Variants in PCLO observed in about 807,000 individuals in gnomAD.
PCLO encodes the protein piccolo presynaptic cytomatrix protein.
Under a neutral mutation model 427.5 loss-of-function variants are expected in PCLO, and 82 were observed. The ratio of observed to expected loss-of-function variants is 0.19; its 90% CI spans 0.16 to 0.23. The LOEUF is 0.23. PCLO is among the 10% of genes least tolerant of loss of function. The pLI, the probability that PCLO is intolerant of heterozygous loss-of-function variation, is 1.00. For synonymous variants in PCLO, 2,357 were observed against 2,155.4 expected, an observed-to-expected ratio of 1.09 and a Z score of -2.59; for missense variants, 6,239 against 6,115.9, an observed-to-expected ratio of 1.02 and a Z score of -0.67.
chr7:82,956,914 C>A lies in PCLO; in HGVS notation c.4039G>T (p.Asp1347Tyr), dbSNP rs754764675. The A allele has an allele frequency of 1.2e-6, 2 of 1,605,178 alleles. No individual in the cohort carries two copies. ...EKTEKEDDKSDTSSSQQPKSP... is the reference protein window; with the variant it reads ...EKTEKEDDKSYTSSSQQPKSP... ...TTAGGCTGCTGAGAACTTGAGGTGT[C>A]TGATTTGTCATCTTCCTTTTCCTAA... Residue 1347 changes from aspartate (D) to tyrosine (Y), a missense_variant, in exon 5 of 25, where the codon GAC becomes TAC. Asp to Tyr is a radical substitution (Grantham distance 160). Coordinates refer to ENST00000333891, the MANE Select transcript of PCLO (RefSeq NM_033026.6).
chr7:83,034,935 T>G (rs1186762229), intron 3 of PCLO, among the ~76,000 whole-genome samples: 1 of 152,214 alleles, frequency 6.6e-6, no homozygotes, highest in Non-Finnish European at 1.5e-5. Flanking sequence ...AAATGTTTCT[T>G]ACTGCTGAGG....
intron 3 of PCLO, among the ~76,000 whole-genome samples, chr7:83,072,303 CTACT>C (rs1378638113): frequency 3.3e-5 from 5 of 151,970 alleles, no homozygotes; most frequent in African/African-American, 9.7e-5. Flanking sequence ...AAAAACTTGA[CTACT>C]TAAAGATAAC....
rs996138259 is a variant in PCLO, at chr7:82,916,353, A to G, written c.11633T>C (p.Leu3878Pro). The part of the protein sequence containing the change: ...IPPQTQTESQ[L>P]VPPTSPYTQY... ...TGTGTAAGGACTTGTCGGAGGAACT[A>G]GTTGAGATTCTGTTTGGGTTTGTGG... Residue 3878 changes from leucine to proline, a missense_variant, in exon 7 of 25, where the codon CTA (leucine) becomes CCA (proline). By Grantham distance (98) the Leu-to-Pro change is moderately conservative. Transcript: ENST00000333891. 1 of 1,613,582 alleles carries G rather than the reference A, an allele frequency of 6.2e-7. No individual in the cohort carries two copies. The highest frequency in any genetic ancestry group is 8.5e-7 in the Non-Finnish European group (1 of 1,179,760).
chr7:82,847,290 T>C (rs761928877), intron 10 of PCLO, 43 bp from the exon 11 acceptor site: 1 of 1,121,042 alleles, frequency 8.9e-7, no homozygotes, highest in Admixed American at 1.9e-5. Context: ...GTGTGCTATC[T>C]CTAGTCTGGG....
rs571194002 is a variant in PCLO at position 83,162,856 on chromosome 7, G to C, written c.-264C>G. The C allele has an allele frequency of 2.6e-5, 13 of 508,548 alleles. No individual in the cohort carries two copies. Among genetic ancestry groups the C allele is most frequent in the African/African-American group, 6.1e-5 (3 of 48,834 alleles). The allele number at this position is 508,548 out of a possible 1,614,324, so 31.5% of individuals were successfully genotyped here. A position where few individuals can be genotyped will look rare whatever the true frequency, so the allele number is the denominator to read the frequency against. On this transcript the variant is annotated 5_prime_UTR_variant, in exon 1 of 25. Coordinates refer to ENST00000333891, the MANE Select transcript of PCLO (RefSeq NM_033026.6). The stretch of plus-strand genomic sequence containing the variant: ...GAAGACACCTCCCGGACGCCGCCTC[G>C]GCGCCCCGAGCCGGGGAGAAGCAGA...
chr7:82,973,727 C>T (rs1708064124), intron 3 of PCLO, among the ~76,000 whole-genome samples: 1 of 151,436 alleles, frequency 6.6e-6, no homozygotes. Context: ...AAAAAACTTG[C>T]AATGTAGGTT....
chr7:83,056,365 T>C (rs758610389), intron 3 of PCLO, among the ~76,000 whole-genome samples: 1 of 152,186 alleles, frequency 6.6e-6, no homozygotes, highest in South Asian at 2.1e-4. Flanking sequence ...AACAGACTTC[T>C]AAAATGTTAG....
chr7:82,936,463 A>G (rs1273670599), intron 6 of PCLO, among the ~76,000 whole-genome samples: 5 of 151,664 alleles, frequency 3.3e-5, no homozygotes, highest in African/African-American at 1.2e-4. Flanking sequence ...CACAATCACA[A>G]TGAGATACCA....
At chr7:82,922,223 A>G (rs2116301848) in intron 6 of PCLO, among the ~76,000 whole-genome samples, 2 of 152,144 alleles carry the variant, frequency 1.3e-5, no homozygotes, top group Middle Eastern at 3.4e-3. Context: ...TTGACCCAGC[A>G]AAGGAATTGC....
Position 82,915,810 on chromosome 7 carries a change from G to A in PCLO, c.12176C>T (p.Thr4059Ile). 2 of 1,613,256 alleles carry A rather than the reference G, an allele frequency of 1.2e-6. No homozygotes were observed. The highest frequency in any genetic ancestry group is 1.1e-5 in the South Asian group (1 of 91,064). ...GCTAAATGCGGTGCTTAATGCCGCTGTTCCTTTGGTGATCTCTCCAATGTC... is the reference window on the plus strand; with the variant it reads ...GCTAAATGCGGTGCTTAATGCCGCTATTCCTTTGGTGATCTCTCCAATGTC... ...IDDIGEITKG[T>I]AALSTAFSLH... The change falls in exon 7 of 25, where the codon ACA becomes ATA. Residue 4059 changes from threonine (T) to isoleucine (I), a missense_variant. Physicochemically the swap from Thr to Ile is moderately conservative, Grantham distance 89. This residue lies in a region of PCLO where 680 missense variants were observed against 677.3 expected (regional missense o/e 1.00). Transcript: ENST00000333891.
At position 82,848,304 on chromosome 7, in the gene PCLO, GTTTTTTT is replaced by G. The variant is rs71522632; in HGVS notation, c.13655-1064_13655-1058del. 1.1e-4 allele frequency among the ~76,000 whole-genome samples: 9 copies of G among 83,888 alleles called. No homozygotes were observed. The South Asian group carries it at 2.3e-3, about 21-fold the overall frequency. 55.0% of individuals were successfully genotyped at this position (83,888 alleles called of 152,430 possible). A position where few individuals can be genotyped will look rare whatever the true frequency, so the allele number is the denominator to read the frequency against. On this transcript the variant is annotated intron_variant, in intron 10 of 24. Coordinates refer to ENST00000333891, the MANE Select transcript of PCLO (RefSeq NM_033026.6). ...AATTATGTTGTTGAACCATTAGTTA[GTTTTTTT>G]TTTTTTTTTTTTTTTTTTTAAACAG...
chr7:83,134,779 T>G lies in PCLO; in HGVS notation c.2771A>C (p.Gln924Pro). The change falls in exon 3 of 25, where the codon CAA (glutamine) becomes CCA (proline). Residue 924 changes from glutamine (Q) to proline (P), a missense_variant. Gln to Pro is a moderately conservative substitution (Grantham distance 76). Coordinates refer to ENST00000333891, the MANE Select transcript of PCLO (RefSeq NM_033026.6). ...AAAGAGTTTCCCAGTCACGGTCTCT[T>G]GAGGAGTTGTAGGCTGTGATTTGGG... ...DAPKSQPTTP[Q>P]ETVTGKLFGF... 2 of 1,613,916 alleles carry G rather than the reference T, an allele frequency of 1.2e-6. No homozygotes were observed. The highest frequency in any genetic ancestry group is 2.2e-5 in the South Asian group (2 of 91,068).
intron 3 of PCLO, among the ~76,000 whole-genome samples, chr7:83,077,468 CT>C (rs973185460): frequency 6.6e-6 from 1 of 152,038 alleles, no homozygotes; most frequent in African/African-American, 2.4e-5. Context: ...TACTGTTAGA[CT>C]TTTTAAGTGG....
rs555238853 is a variant in PCLO, at chr7:83,070,489, G to A, written c.3300+63761C>T. On this transcript the variant is annotated intron_variant, in intron 3 of 24. Coordinates refer to ENST00000333891, the MANE Select transcript of PCLO (RefSeq NM_033026.6). ...TGCAAGCTCTGCCTCCCGGGTTCACGCCATTCTCCTGCCTCAGCCTCCCGA... is the reference window on the plus strand; with the variant it reads ...TGCAAGCTCTGCCTCCCGGGTTCACACCATTCTCCTGCCTCAGCCTCCCGA... 9.9e-5 allele frequency among the ~76,000 whole-genome samples: 15 copies of A among 151,008 alleles called. No homozygotes were observed. In the East Asian group the frequency reaches 2.2e-3, roughly 22 times the overall value.
intron 3 of PCLO, among the ~76,000 whole-genome samples, chr7:83,077,021 GAT>G (rs36072134): frequency 1.3e-5 from 2 of 149,980 alleles, no homozygotes; most frequent in Admixed American, 6.7e-5. Flanking sequence ...AAAATGCATT[GAT>G]ATATATATAT....
rs1795753686 is a variant in PCLO, at chr7:82,965,839, T to C, written c.3949A>G (p.Ile1317Val). The stretch of plus-strand genomic sequence containing the variant: ...CATGGTGGCTGTGGCTGTTCTTTTA[T>C]TGTTTTGGTTGTCTTATCATCTTCT... The part of the protein sequence containing the change: ...PKEDDKTTKT[I>V]KEQPQPPCTA... Residue 1317 changes from isoleucine to valine, a missense_variant, in exon 4 of 25, where the codon ATA becomes GTA. Coordinates refer to ENST00000333891, the MANE Select transcript of PCLO (RefSeq NM_033026.6). The C allele has an allele frequency of 1.9e-6, 3 of 1,613,922 alleles. No individual in the cohort carries two copies. The highest frequency in any genetic ancestry group is 1.3e-5 in the African/African-American group (1 of 75,040).
intron 24 of PCLO, 126 bp downstream of exon 24, chr7:82,760,513 G>T: frequency 1.8e-6 from 1 of 566,566 alleles, no homozygotes; most frequent in Non-Finnish European, 2.8e-6. Flanking sequence ...AGATACTGCT[G>T]AAAATTAATT....
At chr7:82,847,801 T>C (rs1792543396) in intron 10 of PCLO, among the ~76,000 whole-genome samples, 1 of 152,134 alleles carries the variant, frequency 6.6e-6, no homozygotes, top group Non-Finnish European at 1.5e-5. Context: ...AATTGAGGAA[T>C]AGCAGGAATG....
Position 82,754,331 on chromosome 7 carries a change from C to T in PCLO, c.*4244G>A, listed in dbSNP as rs933681786. The T allele has an allele frequency of 2.2e-4, 33 of 152,164 alleles. No homozygotes were observed. The highest frequency in any genetic ancestry group is 7.5e-4 in the African/African-American group (31 of 41,560). The allele number at this position is 152,164 out of a possible 1,614,324, so 9.4% of individuals were successfully genotyped here. A position where few individuals can be genotyped will look rare whatever the true frequency, so the allele number is the denominator to read the frequency against. ...ATGCAACATATAGTTAGAAACAAGACATATCTTCAAGTACTTTAGTTTTTA... is the reference window on the plus strand; with the variant it reads ...ATGCAACATATAGTTAGAAACAAGATATATCTTCAAGTACTTTAGTTTTTA... On this transcript the variant is annotated 3_prime_UTR_variant, in exon 25 of 25. Coordinates refer to ENST00000333891, the MANE Select transcript of PCLO (RefSeq NM_033026.6).
Sources: allele counts gnomAD v4.1 joint callset (sites outside exome capture counted in the v4.1 genomes callset), GRCh38; gene constraint gnomAD v4.1.1; regional missense constraint gnomAD v4.1.1; transcripts MANE v1.5; gene names NCBI Gene and HGNC (gene_info 2026-07-23, HGNC 2026-07-21).